Variants in CNBD1 observed in about 807,000 individuals in gnomAD.
The protein encoded by CNBD1 is cyclic nucleotide binding domain containing 1.
A neutral mutation model predicts 54.4 loss-of-function variants in CNBD1; 71 were observed. That is an observed-to-expected ratio of 1.30 (90% CI 1.08 to 1.59). The LOEUF (loss-of-function observed/expected upper bound fraction) is 1.59, where lower values mean the gene tolerates loss of function less well. CNBD1 is among the 40% of genes most tolerant of loss of function. The pLI, the probability that CNBD1 is intolerant of heterozygous loss-of-function variation, is 0.00. For missense variants in CNBD1, 659 were observed against 518.0 expected (o/e 1.27, Z -2.64); for synonymous variants, 182 against 170.7 (o/e 1.07, Z -0.51).
chr8:86,955,289 A>C (rs191271074), intron 4 of CNBD1, among the ~76,000 whole-genome samples: 1 of 152,268 alleles, frequency 6.6e-6, no homozygotes, highest in East Asian at 1.9e-4. Flanking sequence ...GCCCCAAAAA[A>C]CATACGTGTG....
intron 4 of CNBD1, among the ~76,000 whole-genome samples, chr8:87,194,991 C>A (rs1460569113): frequency 6.6e-6 from 1 of 152,034 alleles, no homozygotes; most frequent in African/African-American, 2.4e-5. Context: ...TCAAGCAATT[C>A]TCTTGCCTCA....
intron 4 of CNBD1, among the ~76,000 whole-genome samples, chr8:87,131,311 CTAATT>C (rs1273418931): frequency 4.6e-5 from 7 of 152,086 alleles, no homozygotes; most frequent in African/African-American, 1.2e-4. Flanking sequence ...ATATTTTACT[CTAATT>C]TATCTATTTG....
chr8:87,402,253 C>G (rs985974524), intron 2 of CNBD1, among the ~76,000 whole-genome samples: 1 of 151,928 alleles, frequency 6.6e-6, no homozygotes, highest in East Asian at 1.9e-4. Flanking sequence ...GGGTCCCTCC[C>G]AAAACATGTG....
chr8:87,240,657 C>G (rs1458327125), intron 6 of CNBD1, among the ~76,000 whole-genome samples: 1 of 152,142 alleles, frequency 6.6e-6, no homozygotes. Context: ...TTTGCATACT[C>G]TTTTACTCAC....
At chr8:87,403,359 G>A (rs112332817) in intron 2 of CNBD1, among the ~76,000 whole-genome samples, 2,293 of 152,044 alleles carry the variant, frequency 0.015, 59 homozygotes, top group African/African-American at 0.049. Context: ...GGCACTTGTC[G>A]TAGATAGACC....
rs185627330 is a variant in CNBD1, at chr8:87,149,302, G to A, written c.432-56691G>A. 8.5e-5 allele frequency among the ~76,000 whole-genome samples: 13 copies of A among 152,256 alleles called. No homozygotes were observed. The East Asian group carries it at 1.7e-3, about 20-fold the overall frequency. On this transcript the variant is annotated intron_variant, in intron 4 of 10. Transcript: ENST00000518476. Reference sequence around the variant, plus strand: ...AGAGATGGGCCTCCCCTGGATTGAGGATTATAGTCAGACTATTGGCAAGAA... The same window carrying A: ...AGAGATGGGCCTCCCCTGGATTGAGAATTATAGTCAGACTATTGGCAAGAA...
At chr8:87,322,519 CAT>C (rs1209663901) in intron 8 of CNBD1, among the ~76,000 whole-genome samples, 1 of 121,322 alleles carries the variant, frequency 8.2e-6, no homozygotes, top group African/African-American at 3.1e-5. Flanking sequence ...GATGATATCT[CAT>C]AGTGGTTTTG....
chr8:87,268,901 T>C (rs1808311867), intron 6 of CNBD1, among the ~76,000 whole-genome samples: 1 of 152,132 alleles, frequency 6.6e-6, no homozygotes, highest in Non-Finnish European at 1.5e-5. Flanking sequence ...TAGTTTCTTT[T>C]GTTGTGTAGA....
chr8:86,933,884 AT>A (rs1454639369), intron 3 of CNBD1, among the ~76,000 whole-genome samples: 35 of 152,264 alleles, frequency 2.3e-4, no homozygotes, highest in Admixed American at 1.7e-3. Context: ...TGAGTACATT[AT>A]TTTATGTATC....
intron 4 of CNBD1, among the ~76,000 whole-genome samples, chr8:86,982,691 G>C (rs1808514653): frequency 6.6e-6 from 1 of 152,080 alleles, no homozygotes; most frequent in South Asian, 2.1e-4. Context: ...GATTACAATG[G>C]CTTTTATTAA....
At chr8:87,323,778 A>T (rs1361635041) in intron 8 of CNBD1, among the ~76,000 whole-genome samples, 3 of 110,454 alleles carry the variant, frequency 2.7e-5, no homozygotes, top group African/African-American at 9.2e-5. Context: ...TCTTTTCCTA[A>T]TTGAATACCC....
intron 5 of CNBD1, among the ~76,000 whole-genome samples, chr8:87,207,378 CATT>C (rs1204138673): frequency 6.6e-6 from 1 of 151,630 alleles, no homozygotes; most frequent in African/African-American, 2.4e-5. Flanking sequence ...GATATGGAAA[CATT>C]AAAGAGTAAA....
chr8:86,970,386 A>G (rs940326218), intron 4 of CNBD1, among the ~76,000 whole-genome samples: 1 of 151,572 alleles, frequency 6.6e-6, no homozygotes, highest in East Asian at 1.9e-4. Context: ...TTTTGCTCTT[A>G]TTTCTTGCTC....
At chr8:87,172,535 C>T (rs1006051293) in intron 4 of CNBD1, among the ~76,000 whole-genome samples, 3 of 151,570 alleles carry the variant, frequency 2.0e-5, no homozygotes, top group African/African-American at 7.3e-5. Context: ...ATAATATTTG[C>T]TTTATATATC....
At chr8:87,407,348 AGTTT>A (rs1807668587) in intron 2 of CNBD1, among the ~76,000 whole-genome samples, 1 of 151,802 alleles carries the variant, frequency 6.6e-6, no homozygotes, top group African/African-American at 2.4e-5. Context: ...CTCAGTACTT[AGTTT>A]ATTATTGTAT....
At chr8:87,271,123 C>G (rs530007220) in intron 6 of CNBD1, among the ~76,000 whole-genome samples, 141 of 151,676 alleles carry the variant, frequency 9.3e-4, no homozygotes, top group Middle Eastern at 6.8e-3. Flanking sequence ...GTTATGTCTC[C>G]TTTTTCATTT....
At chr8:86,878,248 A>G (rs1432486939) in intron 1 of CNBD1, among the ~76,000 whole-genome samples, 3 of 151,954 alleles carry the variant, frequency 2.0e-5, no homozygotes, top group Non-Finnish European at 4.4e-5. Context: ...TTTCCCTTAG[A>G]GCATATTGTG....
intron 4 of CNBD1, among the ~76,000 whole-genome samples, chr8:87,098,220 G>A (rs1248332401): frequency 6.6e-6 from 1 of 152,170 alleles, no homozygotes; most frequent in South Asian, 2.1e-4. Context: ...GCACAAGTAA[G>A]TCTGAGTTTA....
chr8:87,264,035 T>C (rs2130851421), intron 6 of CNBD1, among the ~76,000 whole-genome samples: 1 of 152,298 alleles, frequency 6.6e-6, no homozygotes, highest in African/African-American at 2.4e-5. Flanking sequence ...TTAGGGTACA[T>C]GTGCACAACG....
Sources: allele counts gnomAD v4.1 joint callset (sites outside exome capture counted in the v4.1 genomes callset), GRCh38; gene constraint gnomAD v4.1.1; transcripts MANE v1.5; gene names NCBI Gene and HGNC (gene_info 2026-07-23, HGNC 2026-07-21).